The following TMEM178B variants were observed in gnomAD, a reference collection of about 807,000 sequenced individuals.
The protein encoded by TMEM178B is transmembrane protein 178B.
Under a neutral mutation model 31.0 loss-of-function variants are expected in TMEM178B, and 5 were observed. That is an observed-to-expected ratio of 0.16 (90% CI 0.08 to 0.34). The LOEUF is 0.34. TMEM178B is among the 10% of genes least tolerant of loss of function. The pLI is 1.00. For missense variants in TMEM178B, 275 were observed against 400.3 expected, an observed-to-expected ratio of 0.69 and a Z score of 2.67; for synonymous variants, 164 against 164.0, an observed-to-expected ratio of 1.00 and a Z score of 0.00.
intron 1 of TMEM178B, among the ~76,000 whole-genome samples, chr7:141,192,123 A>G (rs1187791996): frequency 1.3e-5 from 2 of 152,196 alleles, no homozygotes; most frequent in Non-Finnish European, 2.9e-5. Flanking sequence ...CACTATTACT[A>G]TATAGTAAAT....
intron 2 of TMEM178B, among the ~76,000 whole-genome samples, chr7:141,321,427 T>A (rs1025536215): frequency 6.6e-6 from 1 of 152,202 alleles, no homozygotes; most frequent in African/African-American, 2.4e-5. Context: ...CACACTGTGC[T>A]GGTCACTGGA....
chr7:141,150,538 G>A (rs759522182), intron 1 of TMEM178B, among the ~76,000 whole-genome samples: 15 of 152,238 alleles, frequency 9.9e-5, no homozygotes, highest in African/African-American at 2.4e-4. Flanking sequence ...CAGAAGGGAC[G>A]TTGAGCTAGT....
chr7:141,125,404 C>T (rs11763883), intron 1 of TMEM178B, among the ~76,000 whole-genome samples: 24,375 of 151,920 alleles, frequency 0.16, 1,986 homozygotes, highest in South Asian at 0.22. Flanking sequence ...AGCCCGGCGC[C>T]GGATGTGGTG....
At chr7:141,415,599 A>G (rs1002049815) in intron 2 of TMEM178B, among the ~76,000 whole-genome samples, 4 of 152,198 alleles carry the variant, frequency 2.6e-5, no homozygotes, top group Non-Finnish European at 4.4e-5. Flanking sequence ...TGCAAAATCT[A>G]GTTACTGTAG....
In TMEM178B at chr7:141,341,686, G is replaced by T. The variant is rs139814260; in HGVS notation, c.497-95922G>T. Reference sequence around the variant, plus strand: ...CAACTCTCCTGTCTAGCAATTTAGTGATTAATCATTTTAGTCATTTACTTA... The same window carrying T: ...CAACTCTCCTGTCTAGCAATTTAGTTATTAATCATTTTAGTCATTTACTTA... On this transcript the variant is annotated intron_variant, in intron 2 of 3. Transcript: ENST00000565468. 5.8e-3 allele frequency among the ~76,000 whole-genome samples: 875 copies of T among 152,116 alleles called. 11 individuals carry two copies. The highest frequency in any genetic ancestry group is 0.02 in the African/African-American group (817 of 41,472).
intron 1 of TMEM178B, among the ~76,000 whole-genome samples, chr7:141,176,759 G>C (rs1796441118): frequency 6.6e-6 from 1 of 152,172 alleles, no homozygotes; most frequent in African/African-American, 2.4e-5. Flanking sequence ...GGTGCTTACA[G>C]ATTCTCCAGT....
At position 141,199,445 on chromosome 7, in the gene TMEM178B, G is replaced by A. The variant is rs142489128; in HGVS notation, c.383-13146G>A. ...ATAAGGCAGAGGAATGGAAGCCATC[G>A]GCATAATTTGGGGAAGATCTCCATC... On this transcript the variant is annotated intron_variant, in intron 1 of 3. Transcript: ENST00000565468. 1.1e-3 allele frequency among the ~76,000 whole-genome samples: 167 copies of A among 152,336 alleles called. 1 individual carries two copies. Among genetic ancestry groups the A allele is most frequent in the African/African-American group, 3.8e-3 (159 of 41,574 alleles).
chr7:141,123,977 A>G, intron 1 of TMEM178B, among the ~76,000 whole-genome samples: 1 of 152,228 alleles, frequency 6.6e-6, no homozygotes, highest in East Asian at 1.9e-4. Flanking sequence ...CTGGTCTCAA[A>G]CTTCTGGGCT....
At chr7:141,357,442 G>A (rs558086068) in intron 2 of TMEM178B, among the ~76,000 whole-genome samples, 23 of 152,268 alleles carry the variant, frequency 1.5e-4, no homozygotes, top group East Asian at 9.7e-4. Flanking sequence ...TGCATGATAA[G>A]CATAGATCAT....
Position 141,461,120 on chromosome 7 carries a change from G to T in TMEM178B, c.635-9416G>T, listed in dbSNP as rs1384240846. On this transcript the variant is annotated intron_variant, in intron 3 of 3. Transcript: ENST00000565468. This position sits in a 1 kb window ranked among gnomAD's most constrained non-coding sequence, Gnocchi z 4.0. Reference sequence around the variant, plus strand: ...GGATGTGCCACTGTTGAAGGAGGAGGCCCTCTCCTTCTGTTTGCTGATTTG... The same window carrying T: ...GGATGTGCCACTGTTGAAGGAGGAGTCCCTCTCCTTCTGTTTGCTGATTTG... 6.6e-6 allele frequency among the ~76,000 whole-genome samples: 1 copy of T among 152,220 alleles called. No homozygotes were observed. The highest frequency in any genetic ancestry group is 1.5e-5 in the Non-Finnish European group (1 of 68,048).
intron 2 of TMEM178B, among the ~76,000 whole-genome samples, chr7:141,407,618 G>A (rs1227299411): frequency 6.6e-6 from 1 of 152,126 alleles, no homozygotes; most frequent in African/African-American, 2.4e-5. Context: ...CCCTGGGGAG[G>A]TAGGTGGTAA....
chr7:141,317,754 G>A (rs977605357), intron 2 of TMEM178B, among the ~76,000 whole-genome samples: 6 of 152,166 alleles, frequency 3.9e-5, no homozygotes, highest in African/African-American at 1.2e-4. Context: ...GAGTGAGTTA[G>A]AACAGAGCAT....
intron 2 of TMEM178B, among the ~76,000 whole-genome samples, chr7:141,361,247 C>A (rs1183091793): frequency 6.6e-6 from 1 of 152,114 alleles, no homozygotes; most frequent in Non-Finnish European, 1.5e-5. Context: ...GCAAGTATCA[C>A]AGGGCCATTT....
At position 141,239,279 on chromosome 7, in the gene TMEM178B, G is replaced by A. The variant is rs1797578906; in HGVS notation, c.496+26575G>A. The stretch of plus-strand genomic sequence containing the variant: ...TTGAAATGGAGCTTTGTATGCAGAG[G>A]TTACTGGGGAGTGCCATGGGAGAGA... On this transcript the variant is annotated intron_variant, in intron 2 of 3. Coordinates refer to ENST00000565468, the MANE Select transcript of TMEM178B (RefSeq NM_001195278.2). 3.9e-5 allele frequency among the ~76,000 whole-genome samples: 6 copies of A among 152,292 alleles called. No homozygotes were observed. The South Asian group carries it at 1.2e-3, about 32-fold the overall frequency.
chr7:141,502,862 G>A, the TMEM178B span, among the ~76,000 whole-genome samples: 3 of 152,166 alleles, frequency 2.0e-5, no homozygotes, highest in Non-Finnish European at 4.4e-5. Flanking sequence ...CACTTACTGG[G>A]TGCTAGGTAC....
intron 2 of TMEM178B, among the ~76,000 whole-genome samples, chr7:141,230,521 C>T (rs1370737086): frequency 2.0e-5 from 3 of 152,146 alleles, no homozygotes; most frequent in Non-Finnish European, 4.4e-5. Context: ...TTACTTTTGC[C>T]ATCTCTGAGT....
chr7:141,415,929 TG>T (rs1408756571), intron 2 of TMEM178B: 1 of 152,604 alleles, frequency 6.6e-6, no homozygotes, highest in African/African-American at 2.4e-5. Context: ...TTCTGATTCA[TG>T]TAAGTTACAA....
At chr7:141,203,545 G>C (rs530874028) in intron 1 of TMEM178B, among the ~76,000 whole-genome samples, 8 of 152,296 alleles carry the variant, frequency 5.3e-5, no homozygotes, top group African/African-American at 9.6e-5. Flanking sequence ...CATGTACAAG[G>C]CACTGTGGCT....
chr7:141,301,644 G>A (rs1468262854), intron 2 of TMEM178B, among the ~76,000 whole-genome samples: 2 of 152,220 alleles, frequency 1.3e-5, no homozygotes, highest in African/African-American at 4.8e-5. Context: ...CAAGAGCAGT[G>A]TTTCGTAGGT....
Sources: allele counts gnomAD v4.1 joint callset (sites outside exome capture counted in the v4.1 genomes callset), GRCh38; gene constraint gnomAD v4.1.1; non-coding constraint Gnocchi (gnomAD v3.1); transcripts MANE v1.5; gene names NCBI Gene and HGNC (gene_info 2026-07-23, HGNC 2026-07-21).